Variants in VPS13B observed in about 807,000 individuals in gnomAD.
VPS13B encodes the protein intermembrane lipid transfer protein VPS13B.
In VPS13B, 285 loss-of-function variants were observed where a neutral mutation model predicts 426.4. The ratio of observed to expected loss-of-function variants is 0.67; its 90% CI spans 0.61 to 0.74. The LOEUF (loss-of-function observed/expected upper bound fraction) is 0.74, where lower values mean the gene tolerates loss of function less well. Ranked by LOEUF, VPS13B falls within the 30% of genes least tolerant of loss-of-function variation. The probability of loss-of-function intolerance (pLI) is 0.00; values close to 1 mark genes in which losing one functional copy is unlikely to be tolerated. For synonymous variants in VPS13B, 1,676 were observed against 1,676.4 expected, an observed-to-expected ratio of 1.00 and a Z score of 0.01; for missense variants, 4,537 against 4,782.6, an observed-to-expected ratio of 0.95 and a Z score of 1.51.
In VPS13B at chr8:99,143,070, A is replaced by G. The variant is rs368595026; in HGVS notation, c.1748A>G (p.Asp583Gly). Residue 583 changes from aspartate (D) to glycine (G), a missense_variant, in exon 13 of 62, where the codon GAT becomes GGT. By Grantham distance (94) the Asp-to-Gly change is moderately conservative (BLOSUM62 -1). Around this residue, in one of 2 missense-constraint regions of VPS13B, gnomAD observed 4,311 missense variants for 4,474.3 expected, o/e 0.96. Coordinates refer to ENST00000357162, the MANE Select transcript of VPS13B (RefSeq NM_152564.5). ...AAAAGCCTTGTTATAGGTCCTCTTGATTTTCGTTTGGATAGCAGTGCGGTG... is the reference window on the plus strand; with the variant it reads ...AAAAGCCTTGTTATAGGTCCTCTTGGTTTTCGTTTGGATAGCAGTGCGGTG... ...STKSLVIGPL[D>G]FRLDSSAVHR... 8.1e-6 allele frequency: 13 copies of G among 1,613,898 alleles called. No individual in the cohort carries two copies. The African/African-American group carries it at 1.3e-4, about 17-fold the overall frequency.
In VPS13B at chr8:99,566,167, A is replaced by G. The variant is rs370756913; in HGVS notation, c.4950-9491A>G. Among the ~76,000 whole-genome samples the G allele has an allele frequency of 8.6e-5, 13 of 151,690 alleles. No homozygotes were observed. In the East Asian group the frequency reaches 1.9e-3, roughly 23 times the overall value. On this transcript the variant is annotated intron_variant, in intron 31 of 61. Coordinates refer to ENST00000357162, the MANE Select transcript of VPS13B (RefSeq NM_152564.5). Reference sequence around the variant, plus strand: ...GGCAATATAAAAAGATGGTGTAGATATAACAGGGCAGAGATCCTGTCTTGC... The same window carrying G: ...GGCAATATAAAAAGATGGTGTAGATGTAACAGGGCAGAGATCCTGTCTTGC...
intron 19 of VPS13B, among the ~76,000 whole-genome samples, chr8:99,373,437 C>T (rs900547776): frequency 5.3e-5 from 8 of 151,976 alleles, no homozygotes; most frequent in Non-Finnish European, 1.2e-4. Context: ...CAGAGGACAA[C>T]TTTGGAACAT....
intron 19 of VPS13B, among the ~76,000 whole-genome samples, chr8:99,349,117 A>T (rs1264807459): frequency 6.6e-6 from 1 of 151,048 alleles, no homozygotes; most frequent in Non-Finnish European, 1.5e-5. Context: ...GCGGATCACG[A>T]GGTCAGGAGA....
At chr8:99,148,363 C>CA (rs34767546) in intron 14 of VPS13B, among the ~76,000 whole-genome samples, 2,088 of 98,990 alleles carry the variant, frequency 0.021, 44 homozygotes, top group African/African-American at 0.069. Context: ...GACCCTGTCT[C>CA]AAAAAAAAAA....
chr8:99,075,916 G>T (rs1845094626), intron 3 of VPS13B, among the ~76,000 whole-genome samples: 1 of 151,898 alleles, frequency 6.6e-6, no homozygotes, highest in Non-Finnish European at 1.5e-5. Flanking sequence ...CTTTGTGTTG[G>T]TTTTTCCTCT....
At chr8:99,100,765 A>G (rs1452923279) in intron 4 of VPS13B, among the ~76,000 whole-genome samples, 8 of 151,926 alleles carry the variant, frequency 5.3e-5, no homozygotes, top group Admixed American at 5.3e-4. Context: ...TGTATTGGCC[A>G]GGCATGGTGG....
chr8:99,555,187 G>A (rs1588490381), intron 30 of VPS13B, among the ~76,000 whole-genome samples: 1 of 152,042 alleles, frequency 6.6e-6, no homozygotes, highest in Admixed American at 6.6e-5. Context: ...ACCTTGCCTG[G>A]CCCAGTCCTG....
At chr8:99,633,493 A>G (rs1828933515) in intron 33 of VPS13B, among the ~76,000 whole-genome samples, 1 of 152,026 alleles carries the variant, frequency 6.6e-6, no homozygotes, top group African/African-American at 2.4e-5. Flanking sequence ...TAAGGAGCCA[A>G]TCTAAGTCAG....
intron 19 of VPS13B, among the ~76,000 whole-genome samples, chr8:99,359,582 C>T (rs1049303836): frequency 2.0e-5 from 3 of 151,922 alleles, no homozygotes; most frequent in African/African-American, 7.3e-5. Context: ...GTACAAATAT[C>T]TTTAAAATAA....
At position 99,336,450 on chromosome 8, in the gene VPS13B, A is replaced by G. The variant is rs374878614; in HGVS notation, c.2825-47758A>G. Among the ~76,000 whole-genome samples the G allele has an allele frequency of 8.3e-4, 126 of 152,308 alleles. 4 individuals are homozygous for G. In the East Asian group the frequency reaches 0.017, roughly 21 times the overall value. Reference sequence around the variant, plus strand: ...AGGCATTACCATTCAGGACATAGGCATGGGCAAGGACTTCATGTCTAAAAC... The same window carrying G: ...AGGCATTACCATTCAGGACATAGGCGTGGGCAAGGACTTCATGTCTAAAAC... On this transcript the variant is annotated intron_variant, in intron 19 of 61. Coordinates refer to ENST00000357162, the MANE Select transcript of VPS13B (RefSeq NM_152564.5).
At chr8:99,813,421 G>A (rs1432411495) in intron 44 of VPS13B, among the ~76,000 whole-genome samples, 2 of 152,172 alleles carry the variant, frequency 1.3e-5, no homozygotes, top group African/African-American at 4.8e-5. Context: ...TGCATATATT[G>A]CCAGGCTTGG....
intron 39 of VPS13B, among the ~76,000 whole-genome samples, chr8:99,728,205 T>A (rs1364773975): frequency 6.6e-6 from 1 of 152,174 alleles, no homozygotes; most frequent in African/African-American, 2.4e-5. Context: ...ACCACTGAAA[T>A]TTTCTGAGAC....
intron 27 of VPS13B, among the ~76,000 whole-genome samples, chr8:99,503,928 A>G (rs756957484): frequency 1.1e-4 from 17 of 152,218 alleles, no homozygotes; most frequent in Non-Finnish European, 1.6e-4. Flanking sequence ...CTTTTACAGA[A>G]GGTGTTTCCA....
chr8:99,444,018 T>A (rs1049976707), intron 23 of VPS13B, among the ~76,000 whole-genome samples: 1 of 151,924 alleles, frequency 6.6e-6, no homozygotes, highest in African/African-American at 2.4e-5. Flanking sequence ...TTTTTTTTTT[T>A]ATTTTGTTCT....
chr8:99,102,986 A>G lies in VPS13B; in HGVS notation c.446A>G (p.Asn149Ser). Residue 149 changes from asparagine (N) to serine (S), a missense_variant, in exon 5 of 62, where the codon AAT becomes AGT. Transcript: ENST00000357162. ...CAGAGTCTGATTAGACGAGTTGTAA[A>G]TAATGTAAACATTGTGATAAATAAT... is the stretch of plus-strand genomic sequence containing the variant. The part of the protein sequence containing the change: ...YVQSLIRRVV[N>S]NVNIVINNLI... The G allele has an allele frequency of 6.2e-7, 1 of 1,612,186 alleles. No homozygotes were observed. Among genetic ancestry groups the G allele is most frequent in the Non-Finnish European group, 8.5e-7 (1 of 1,178,428 alleles).
At chr8:99,801,123 C>A (rs1273283515) in intron 43 of VPS13B, among the ~76,000 whole-genome samples, 1 of 152,120 alleles carries the variant, frequency 6.6e-6, no homozygotes, top group African/African-American at 2.4e-5. Context: ...ATGATTGATG[C>A]TCTGAGAGGA....
chr8:99,043,583 G>A (rs1055803236), intron 3 of VPS13B, among the ~76,000 whole-genome samples: 1 of 151,968 alleles, frequency 6.6e-6, no homozygotes, highest in Non-Finnish European at 1.5e-5. Context: ...AAGCTCATGT[G>A]ACCTGACTAT....
At chr8:99,726,026 C>G (rs1275348552) in intron 39 of VPS13B, among the ~76,000 whole-genome samples, 3 of 152,082 alleles carry the variant, frequency 2.0e-5, no homozygotes, top group East Asian at 1.9e-4. Context: ...ATACAGAAGC[C>G]TCAGATTTGT....
chr8:99,268,152 A>C (rs552345503), intron 17 of VPS13B, among the ~76,000 whole-genome samples: 1 of 152,174 alleles, frequency 6.6e-6, no homozygotes, highest in African/African-American at 2.4e-5. Context: ...GATGTGTGGA[A>C]ATGCCTGGAT....
Sources: allele counts gnomAD v4.1 joint callset (sites outside exome capture counted in the v4.1 genomes callset), GRCh38; gene constraint gnomAD v4.1.1; regional missense constraint gnomAD v4.1.1; transcripts MANE v1.5; gene names NCBI Gene and HGNC (gene_info 2026-07-23, HGNC 2026-07-21).